The following MTREX variants were observed in gnomAD, a reference collection of about 807,000 sequenced individuals.
The protein encoded by MTREX is exosome RNA helicase MTR4.
MTREX carries 76 observed loss-of-function variants against 135.4 expected under a neutral mutation model. That is an observed-to-expected ratio of 0.56 (90% CI 0.47 to 0.68). MTREX has a LOEUF of 0.68. MTREX is among the 30% of genes least tolerant of loss of function. MTREX has a pLI of 0.00. For synonymous variants in MTREX, 404 were observed against 401.6 expected (o/e 1.01, Z -0.07); for missense variants, 920 against 1,262.1 (o/e 0.73, Z 4.11).
At position 55,345,111 on chromosome 5, in the gene MTREX, T is replaced by C; in HGVS notation, c.1023T>C (p.Asp341=). The C allele has an allele frequency of 6.2e-7, 1 of 1,612,564 alleles. No homozygotes were observed. The highest frequency in any genetic ancestry group is 1.3e-5 in the African/African-American group (1 of 74,974). The change falls in exon 10 of 27, where the codon GAT becomes GAC. Residue 341 remains aspartate, a synonymous_variant. Transcript: ENST00000230640. ...VVDENGDFRE[D]NFNTAMQVLR... The stretch of plus-strand genomic sequence containing the variant: ...GATTCCAGGGTGACTTCAGAGAAGA[T>C]AATTTTAATACTGCAATGCAAGTGC...
At chr5:55,338,634 T>A (rs545290074) in intron 5 of MTREX, among the ~76,000 whole-genome samples, 40 of 151,420 alleles carry the variant, frequency 2.6e-4, no homozygotes, top group Non-Finnish European at 4.7e-4. Flanking sequence ...GATACCTGAG[T>A]GTCTCTTATT....
intron 25 of MTREX, among the ~76,000 whole-genome samples, chr5:55,418,246 AG>A (rs1561214223): frequency 6.7e-6 from 1 of 150,058 alleles, no homozygotes; most frequent in African/African-American, 2.4e-5. Flanking sequence ...AAAAAAAAAA[AG>A]AAAAAAAGAA....
chr5:55,347,208 T>A, intron 11 of MTREX, 64 bp downstream of exon 11: 1 of 1,452,234 alleles, frequency 6.9e-7, no homozygotes, highest in Non-Finnish European at 9.4e-7. Flanking sequence ...ATATTTCTAG[T>A]AATATTTTTA....
chr5:55,350,960 T>A lies in MTREX; in HGVS notation c.1362T>A (p.Ile454=). 5 of 1,607,524 alleles carry A rather than the reference T, an allele frequency of 3.1e-6. No homozygotes were observed. Among genetic ancestry groups the A allele is most frequent in the Non-Finnish European group, 4.2e-6 (5 of 1,178,354 alleles). Residue 454 remains isoleucine, a synonymous_variant, in exon 13 of 27, where the codon ATT becomes ATA. Coordinates refer to ENST00000230640, the MANE Select transcript of MTREX (RefSeq NM_015360.5). ...CTCTTTTGAAGAGGGGAATTGGTAT[T>A]CACCATGGTGGTTTACTTCCTATTT... ...VLPLLKRGIG[I]HHGGLLPILK...
At chr5:55,403,070 A>G (rs773466411) in intron 21 of MTREX, among the ~76,000 whole-genome samples, 5 of 151,890 alleles carry the variant, frequency 3.3e-5, no homozygotes, top group African/African-American at 9.7e-5. Flanking sequence ...GCATGGTAGC[A>G]TGCACCTGTC....
At chr5:55,396,314 T>G (rs1451800393) in intron 19 of MTREX, among the ~76,000 whole-genome samples, 1 of 152,144 alleles carries the variant, frequency 6.6e-6, no homozygotes, top group Non-Finnish European at 1.5e-5. Flanking sequence ...ATAAAGGTCA[T>G]TAGTGGGTCA....
intron 5 of MTREX, chr5:55,329,209 AT>A (rs113973461): frequency 8.2e-4 from 123 of 149,694 alleles, no homozygotes; most frequent in Non-Finnish European, 1.3e-3. Context: ...TATTGACATG[AT>A]TTTTTTTTTT....
At chr5:55,422,422 CTA>C (rs1486673213) in intron 25 of MTREX, among the ~76,000 whole-genome samples, 3 of 152,260 alleles carry the variant, frequency 2.0e-5, no homozygotes, top group African/African-American at 7.2e-5. Context: ...CTGTTGCATT[CTA>C]TGAGATGGTA....
At chr5:55,417,961 A>G (rs985928375) in intron 25 of MTREX, among the ~76,000 whole-genome samples, 12 of 151,522 alleles carry the variant, frequency 7.9e-5, no homozygotes, top group South Asian at 4.2e-4. Flanking sequence ...CAGGCCAGGC[A>G]CGGTGGCTTA....
At chr5:55,418,878 C>T (rs188065356) in intron 25 of MTREX, among the ~76,000 whole-genome samples, 2 of 152,106 alleles carry the variant, frequency 1.3e-5, no homozygotes, top group Non-Finnish European at 2.9e-5. Context: ...GGGTCTGGCT[C>T]TGTCACCCAG....
At chr5:55,422,830 T>C in intron 25 of MTREX, 48 bp from the exon 26 acceptor site, 1 of 1,499,736 alleles carries the variant, frequency 6.7e-7, no homozygotes, top group Non-Finnish European at 9.2e-7. Flanking sequence ...AATTCTGCTG[T>C]TCCTGATTAT....
intron 1 of MTREX, among the ~76,000 whole-genome samples, chr5:55,320,339 C>T (rs543356899): frequency 2.0e-5 from 3 of 151,956 alleles, no homozygotes; most frequent in East Asian, 1.9e-4. Flanking sequence ...CTCAGCCTCC[C>T]GAGTACCTGG....
In MTREX at chr5:55,425,151, G is replaced by A. The variant is rs1024944840; in HGVS notation, c.*379G>A. 6.4e-7 allele frequency: 1 copy of A among 1,572,388 alleles called. No homozygotes were observed. The highest frequency in any genetic ancestry group is 8.6e-7 in the Non-Finnish European group (1 of 1,160,980). ...GAAAGATGCATCCTCTTGCCTTGTG[G>A]CAATCATTTTCCTTTAGAAAACAGG... On this transcript the variant is annotated 3_prime_UTR_variant, in exon 27 of 27. Coordinates refer to ENST00000230640, the MANE Select transcript of MTREX (RefSeq NM_015360.5).
At chr5:55,401,356 T>G (rs1561209223) in intron 21 of MTREX, among the ~76,000 whole-genome samples, 1 of 152,204 alleles carries the variant, frequency 6.6e-6, no homozygotes. Flanking sequence ...TATTTTGTTA[T>G]GTGGATATGC....
chr5:55,386,870 C>T (rs1276862753), intron 18 of MTREX, among the ~76,000 whole-genome samples: 1 of 152,014 alleles, frequency 6.6e-6, no homozygotes, highest in African/African-American at 2.4e-5. Context: ...CTCTGTAAAG[C>T]TAATGTGATA....
In MTREX at chr5:55,425,114, G is replaced by C. The variant is rs1312884595; in HGVS notation, c.*342G>C. On this transcript the variant is annotated 3_prime_UTR_variant, in exon 27 of 27. Transcript: ENST00000230640. Reference sequence around the variant, plus strand: ...CAGCAGCAGAAGTCTTTAAAGGCTTGTACACCAGGAAGAAAGATGCATCCT... The same window carrying C: ...CAGCAGCAGAAGTCTTTAAAGGCTTCTACACCAGGAAGAAAGATGCATCCT... The C allele has an allele frequency of 2.7e-6, 4 of 1,474,860 alleles. No individual in the cohort carries two copies. In the Admixed American group the frequency reaches 8.8e-5, roughly 32 times the overall value. 91.4% of individuals were successfully genotyped at this position (1,474,860 alleles called of 1,614,324 possible). A position where few individuals can be genotyped will look rare whatever the true frequency, so the allele number is the denominator to read the frequency against.
intron 19 of MTREX, among the ~76,000 whole-genome samples, chr5:55,395,268 T>C (rs1003080775): frequency 2.2e-4 from 33 of 151,908 alleles, no homozygotes; most frequent in Non-Finnish European, 3.5e-4. Context: ...TAGTTGGGCA[T>C]GGTGGCACAC....
Position 55,405,406 on chromosome 5 carries a change from A to G in MTREX, c.2482-19A>G, listed in dbSNP as rs757711611. On this transcript the variant is annotated intron_variant, in intron 21 of 26. Coordinates refer to ENST00000230640, the MANE Select transcript of MTREX (RefSeq NM_015360.5). ...TTCACTTTATTATTGAACTTTCTTT[A>G]TACTTTCATGTGCTTTAGATTGCAA... 6.3e-6 allele frequency: 10 copies of G among 1,595,404 alleles called. No individual in the cohort carries two copies. The highest frequency in any genetic ancestry group is 3.4e-5 in the Admixed American group (2 of 58,602).
At chr5:55,372,891 AATGTGTGTGT>A (rs1561200654) in intron 16 of MTREX, among the ~76,000 whole-genome samples, 1 of 90,524 alleles carries the variant, frequency 1.1e-5, no homozygotes, top group African/African-American at 4.4e-5. Flanking sequence ...TTAAAACTGT[AATGTGTGTGT>A]GTGTGTGTGT....
Sources: gnomAD v4.1 joint callset for allele counts (sites outside exome capture counted in the v4.1 genomes callset) on GRCh38, gnomAD v4.1.1 for gene constraint, MANE v1.5 for transcripts, NCBI Gene and HGNC (gene_info 2026-07-23, HGNC 2026-07-21) for gene names.